PRR27: variants seen among roughly 807,000 people sequenced by gnomAD.
PRR27 encodes proline-rich protein 27.
PRR27 carries 12 observed loss-of-function variants against 16.8 expected under a neutral mutation model. The observed-to-expected ratio is 0.71, with a 90% confidence interval of 0.46 to 1.16. The LOEUF (loss-of-function observed/expected upper bound fraction) is 1.16. Among genes scored for constraint, PRR27 ranks in the 50% most tolerant of loss-of-function variants. PRR27 has a pLI of 0.00. For missense variants in PRR27, 277 were observed against 273.3 expected (o/e 1.01, Z -0.10); for synonymous variants, 100 against 98.4 (o/e 1.02, Z -0.10).
chr4:70,165,051 C>T lies in PRR27; in HGVS notation c.*2390C>T, dbSNP rs1472029238. 1 of 152,018 alleles carries T rather than the reference C, an allele frequency of 6.6e-6. No individual in the cohort carries two copies. The highest frequency in any genetic ancestry group is 2.4e-5 in the African/African-American group (1 of 41,410). The allele number at this position is 152,018 out of a possible 1,614,324, so 9.4% of individuals were successfully genotyped here. ...ACAATAATATTTTGTTTTTAGTGTT[C>T]ATTTTTTTCCTCCTGACTACATTGA... On this transcript the variant is annotated 3_prime_UTR_variant, in exon 5 of 5. Transcript: ENST00000344526.
At chr4:70,160,246 G>T (rs1334664606) in intron 3 of PRR27, among the ~76,000 whole-genome samples, 1 of 151,976 alleles carries the variant, frequency 6.6e-6, no homozygotes, top group Non-Finnish European at 1.5e-5. Flanking sequence ...ATGTACATGT[G>T]TGCTCAATGC....
At chr4:70,157,399 G>A (rs988949551) in intron 2 of PRR27, among the ~76,000 whole-genome samples, 1 of 150,608 alleles carries the variant, frequency 6.6e-6, no homozygotes, top group African/African-American at 2.4e-5. Flanking sequence ...GACCCTGAGG[G>A]ACAATCTACA....
At chr4:70,160,409 T>TTCTCTCTCTCTCTCTCTC (rs149182032) in intron 3 of PRR27, among the ~76,000 whole-genome samples, 1 of 106,100 alleles carries the variant, frequency 9.4e-6, no homozygotes, top group South Asian at 4.2e-4. Context: ...TTCTGGGACT[T>TTCTCTCTCTCTCTCTCTC]TCTCTCTCTC....
intron 1 of PRR27, chr4:70,154,819 T>C: frequency 8.0e-7 from 1 of 1,249,544 alleles, no homozygotes; most frequent in Non-Finnish European, 1.1e-6. Context: ...TTAGGGATAC[T>C]TGATGGAATA....
chr4:70,161,207 CATAT>C (rs5859213), intron 3 of PRR27, among the ~76,000 whole-genome samples: 32,320 of 119,048 alleles, frequency 0.27, 4,364 homozygotes, highest in Middle Eastern at 0.38. Flanking sequence ...TACACGTATA[CATAT>C]ATATATATAT....
At position 70,166,063 on chromosome 4, in the gene PRR27, A is replaced by C; in HGVS notation, c.*3402A>C. ...TTTATGAGTTTTAAAAATGTATATA[A>C]ACAAGACATATAATAAATGGTATGT... On this transcript the variant is annotated 3_prime_UTR_variant, in exon 5 of 5. Coordinates refer to ENST00000344526, the MANE Select transcript of PRR27 (RefSeq NM_214711.4). The C allele has an allele frequency of 6.6e-6, 1 of 152,206 alleles. No homozygotes were observed. Among genetic ancestry groups the C allele is most frequent in the East Asian group, 1.9e-4 (1 of 5,188 alleles). The allele number at this position is 152,206 out of a possible 1,614,324, so 9.4% of individuals were successfully genotyped here.
Position 70,164,661 on chromosome 4 carries a change from G to T in PRR27, c.*2000G>T, listed in dbSNP as rs1464728555. The T allele has an allele frequency of 1.3e-5, 2 of 151,964 alleles. No homozygotes were observed. The highest frequency in any genetic ancestry group is 2.9e-5 in the Non-Finnish European group (2 of 67,956). The allele number at this position is 151,964 out of a possible 1,614,324, so 9.4% of individuals were successfully genotyped here. A position where few individuals can be genotyped will look rare whatever the true frequency, so the allele number is the denominator to read the frequency against. Reference sequence around the variant, plus strand: ...GATAGTCAATTTTAATGATTATGTTGTCAAAATTCAGGCTTTTTGTGTGAA... The same window carrying T: ...GATAGTCAATTTTAATGATTATGTTTTCAAAATTCAGGCTTTTTGTGTGAA... On this transcript the variant is annotated 3_prime_UTR_variant, in exon 5 of 5. Coordinates refer to ENST00000344526, the MANE Select transcript of PRR27 (RefSeq NM_214711.4).
rs1482550434 is a variant in PRR27, at chr4:70,161,603, T to A, written c.*6T>A. On this transcript the variant is annotated 3_prime_UTR_variant, in exon 4 of 5. Coordinates refer to ENST00000344526, the MANE Select transcript of PRR27 (RefSeq NM_214711.4). ...TTTTCTAGGCAAATCAGTGAAATTC[T>A]CTAGAAGAGTACCATGGGTTCATTT... is the stretch of plus-strand genomic sequence containing the variant. The A allele has an allele frequency of 2.0e-6, 3 of 1,510,228 alleles. No individual in the cohort carries two copies. The African/African-American group carries it at 4.2e-5, about 21-fold the overall frequency. 93.6% of individuals were successfully genotyped at this position (1,510,228 alleles called of 1,614,324 possible).
chr4:70,160,409 TTCTC>T (rs149182032), intron 3 of PRR27, among the ~76,000 whole-genome samples: 245 of 106,150 alleles, frequency 2.3e-3, no homozygotes, highest in African/African-American at 5.8e-3. Flanking sequence ...TTCTGGGACT[TTCTC>T]TCTCTCTCTC....
intron 2 of PRR27, among the ~76,000 whole-genome samples, chr4:70,157,758 A>G (rs1260881967): frequency 6.6e-6 from 1 of 152,138 alleles, no homozygotes; most frequent in Non-Finnish European, 1.5e-5. Flanking sequence ...TGACCTCGTG[A>G]TCCGCCCTCT....
At chr4:70,156,873 T>A (rs373711217) in intron 2 of PRR27, among the ~76,000 whole-genome samples, 11 of 31,218 alleles carry the variant, frequency 3.5e-4, no homozygotes, top group South Asian at 7.6e-4. Flanking sequence ...TTATTTTGAA[T>A]TTTTTTTTGC....
rs1728743016 is a variant in PRR27, at chr4:70,165,501, G to A, written c.*2840G>A. The A allele has an allele frequency of 6.6e-6, 1 of 151,964 alleles. No individual in the cohort carries two copies. Among genetic ancestry groups the A allele is most frequent in the Non-Finnish European group, 1.5e-5 (1 of 67,924 alleles). 9.4% of individuals were successfully genotyped at this position (151,964 alleles called of 1,614,324 possible). A position where few individuals can be genotyped will look rare whatever the true frequency, so the allele number is the denominator to read the frequency against. ...GAGTTAAAAACTACTTAGTGGATTA[G>A]GGTAATTCATTCTACTTTTAAAAAT... On this transcript the variant is annotated 3_prime_UTR_variant, in exon 5 of 5. Transcript: ENST00000344526.
In PRR27 at chr4:70,158,552, T is replaced by G. The variant is rs1317843641; in HGVS notation, c.300T>G (p.Asn100Lys). 2 of 1,614,154 alleles carry G rather than the reference T, an allele frequency of 1.2e-6. No individual in the cohort carries two copies. Among genetic ancestry groups the G allele is most frequent in the Non-Finnish European group, 1.7e-6 (2 of 1,180,004 alleles). Residue 100 changes from asparagine to lysine, a missense_variant, in exon 3 of 5, where the codon AAT becomes AAG. Physicochemically the swap from Asn to Lys is moderately conservative, Grantham distance 94. Transcript: ENST00000344526. ...GTTTTCCCTTAGCTACTCAGTTGAA[T>G]GTTCCTCCTCTCCCTCCTAGGGGTT... is the stretch of plus-strand genomic sequence containing the variant. The part of the protein sequence containing the change: ...IRGFPLATQL[N>K]VPPLPPRGFP...
At chr4:70,159,241 G>A (rs149336305) in intron 3 of PRR27, among the ~76,000 whole-genome samples, 1 of 152,054 alleles carries the variant, frequency 6.6e-6, no homozygotes, top group Non-Finnish European at 1.5e-5. Flanking sequence ...AGAATTTTAC[G>A]TAAGTGGAAT....
At position 70,161,578 on chromosome 4, in the gene PRR27, T is replaced by C. The variant is rs774828652; in HGVS notation, c.649-8T>C. On this transcript the variant is annotated splice_region_variant and splice_polypyrimidine_tract_variant and intron_variant, in intron 3 of 4. Coordinates refer to ENST00000344526, the MANE Select transcript of PRR27 (RefSeq NM_214711.4). ...TTATGAAAAGATCTTTTTTTTAATG[T>C]TTTCTAGGCAAATCAGTGAAATTCT... The C allele has an allele frequency of 2.0e-6, 3 of 1,512,922 alleles. No homozygotes were observed. Among genetic ancestry groups the C allele is most frequent in the South Asian group, 1.2e-5 (1 of 85,692 alleles). 93.7% of individuals were successfully genotyped at this position (1,512,922 alleles called of 1,614,324 possible). A position where few individuals can be genotyped will look rare whatever the true frequency, so the allele number is the denominator to read the frequency against.
intron 3 of PRR27, among the ~76,000 whole-genome samples, chr4:70,161,356 A>G (rs982552208): frequency 1.3e-5 from 2 of 151,382 alleles, no homozygotes; most frequent in African/African-American, 4.9e-5. Flanking sequence ...TTCATCCTGT[A>G]GCCAAAGCAA....
At chr4:70,157,754 C>T (rs1310172354) in intron 2 of PRR27, among the ~76,000 whole-genome samples, 2 of 152,122 alleles carry the variant, frequency 1.3e-5, no homozygotes, top group African/African-American at 2.4e-5. Flanking sequence ...CTCTTGACCT[C>T]GTGATCCGCC....
chr4:70,156,822 C>A (rs906801816), intron 2 of PRR27, among the ~76,000 whole-genome samples: 1 of 151,992 alleles, frequency 6.6e-6, no homozygotes, highest in Non-Finnish European at 1.5e-5. Context: ...GAGTAGAAAT[C>A]TTTTGGAAAT....
Position 70,158,847 on chromosome 4 carries a change from G to A in PRR27, c.595G>A (p.Ala199Thr), listed in dbSNP as rs776540669. 5 of 1,613,860 alleles carry A rather than the reference G, an allele frequency of 3.1e-6. No homozygotes were observed. Among genetic ancestry groups the A allele is most frequent in the African/African-American group, 1.3e-5 (1 of 74,854 alleles). ...AGAGGAACCTTCACCAGCTGAGCCT[G>A]CTACAGCCAAGCCTGCTGCCCCAGA... ...AAEEPSPAEP[A>T]TAKPAAPEPH... Residue 199 changes from alanine (A) to threonine (T), a missense_variant, in exon 3 of 5, where the codon GCT becomes ACT. By Grantham distance (58) the Ala-to-Thr change is moderately conservative. Transcript: ENST00000344526.
Sources: allele counts gnomAD v4.1 joint callset (sites outside exome capture counted in the v4.1 genomes callset), GRCh38; gene constraint gnomAD v4.1.1; transcripts MANE v1.5; gene names NCBI Gene and HGNC (gene_info 2026-07-23, HGNC 2026-07-21).